Variants in ROR2 observed in about 807,000 individuals in gnomAD.
ROR2 encodes ROR family WNT receptor 2.
A neutral mutation model predicts 74.9 loss-of-function variants in ROR2; 33 were observed. The observed-to-expected ratio is 0.44, with a 90% CI of 0.33 to 0.59. The LOEUF is 0.59. Ranked by LOEUF, ROR2 falls within the 20% of genes least tolerant of loss-of-function variation. ROR2 has a pLI of 0.02. For missense variants in ROR2, 1,216 were observed against 1,313.8 expected, an observed-to-expected ratio of 0.93 and a Z score of 1.15; for synonymous variants, 586 against 558.7, an observed-to-expected ratio of 1.05 and a Z score of -0.69.
chr9:91,822,339 G>A (rs1022754907), intron 1 of ROR2, among the ~76,000 whole-genome samples: 1 of 152,178 alleles, frequency 6.6e-6, no homozygotes, highest in Non-Finnish European at 1.5e-5. Flanking sequence ...CACTCTGGAC[G>A]ATGTGGATGT....
chr9:91,930,184 G>C (rs1375696631), intron 1 of ROR2, among the ~76,000 whole-genome samples: 1 of 152,168 alleles, frequency 6.6e-6, no homozygotes, highest in African/African-American at 2.4e-5. Context: ...CTTTTATACA[G>C]ACCTAGGTCC....
At chr9:91,936,887 G>A (rs1017994214) in intron 1 of ROR2, among the ~76,000 whole-genome samples, 7 of 150,854 alleles carry the variant, frequency 4.6e-5, no homozygotes, top group East Asian at 3.9e-4. Flanking sequence ...AAAATTAGCC[G>A]GGCGTAGTGG....
intron 3 of ROR2, 89 bp downstream of exon 3, chr9:91,757,183 G>T: frequency 6.5e-7 from 1 of 1,535,456 alleles, no homozygotes; most frequent in Non-Finnish European, 9.0e-7. Flanking sequence ...ACTGGTGTGT[G>T]TTCAGTTTCA....
intron 1 of ROR2, among the ~76,000 whole-genome samples, chr9:91,854,479 T>C (rs1564001155): frequency 6.6e-6 from 1 of 152,218 alleles, no homozygotes. Context: ...AGTACTCCAT[T>C]TGCAGAGTTG....
At chr9:91,847,169 A>T (rs2141368) in intron 1 of ROR2, among the ~76,000 whole-genome samples, 2 of 152,156 alleles carry the variant, frequency 1.3e-5, no homozygotes, top group East Asian at 3.9e-4. Context: ...GATTCAACAG[A>T]GAAATGAAAT....
intron 4 of ROR2, among the ~76,000 whole-genome samples, chr9:91,746,969 C>T (rs547461207): frequency 1.6e-4 from 25 of 152,276 alleles, no homozygotes; most frequent in African/African-American, 5.8e-4. Flanking sequence ...GGCTCTGGTG[C>T]TCTGACTTCG....
chr9:91,840,068 C>A (rs1396419112), intron 1 of ROR2, among the ~76,000 whole-genome samples: 2 of 152,164 alleles, frequency 1.3e-5, no homozygotes, highest in Non-Finnish European at 1.5e-5. Context: ...GAGCCTCACC[C>A]TGCCCGGGAA....
At chr9:91,745,082 T>A (rs1322020852) in intron 4 of ROR2, among the ~76,000 whole-genome samples, 1 of 152,086 alleles carries the variant, frequency 6.6e-6, no homozygotes, top group Non-Finnish European at 1.5e-5. Flanking sequence ...AATGCAAATA[T>A]CCTGTGTCAC....
intron 1 of ROR2, among the ~76,000 whole-genome samples, chr9:91,840,130 T>C (rs1281957846): frequency 1.3e-5 from 2 of 152,020 alleles, no homozygotes; most frequent in East Asian, 3.9e-4. Context: ...TAAGGGGCAC[T>C]CCCGAGGCCC....
chr9:91,904,908 T>C (rs1480304780), intron 1 of ROR2, among the ~76,000 whole-genome samples: 1 of 151,976 alleles, frequency 6.6e-6, no homozygotes, highest in African/African-American at 2.4e-5. Flanking sequence ...AGAACACACG[T>C]GTGCGCACAC....
chr9:91,946,376 G>A (rs973545865), intron 1 of ROR2, among the ~76,000 whole-genome samples: 4 of 152,196 alleles, frequency 2.6e-5, no homozygotes, highest in Admixed American at 2.0e-4. Context: ...GAGCCCCCAA[G>A]GAGGCACCTC....
At chr9:91,737,833 G>T (rs928124349) in intron 4 of ROR2, among the ~76,000 whole-genome samples, 1 of 152,144 alleles carries the variant, frequency 6.6e-6, no homozygotes, top group African/African-American at 2.4e-5. Context: ...GCCACAAAAA[G>T]AGAGGAAACT....
At chr9:91,887,792 T>TTG (rs1326784649) in intron 1 of ROR2, among the ~76,000 whole-genome samples, 1 of 138,400 alleles carries the variant, frequency 7.2e-6, no homozygotes, top group Non-Finnish European at 1.5e-5. Flanking sequence ...TTTTCTCTTT[T>TTG]TTTTTTTTTT....
chr9:91,742,216 G>C (rs1469008413), intron 4 of ROR2, among the ~76,000 whole-genome samples: 3 of 152,170 alleles, frequency 2.0e-5, no homozygotes, highest in Non-Finnish European at 4.4e-5. Context: ...GACCTCGTGA[G>C]ACTTACTGTG....
At chr9:91,782,310 G>A (rs1176236428) in intron 1 of ROR2, among the ~76,000 whole-genome samples, 5 of 151,916 alleles carry the variant, frequency 3.3e-5, no homozygotes, top group African/African-American at 1.2e-4. Flanking sequence ...AGTAGCTCTT[G>A]AATATTAGTT....
intron 1 of ROR2, chr9:91,948,568 C>T (rs55730193): frequency 1.0e-6 from 1 of 985,318 alleles, no homozygotes; most frequent in Non-Finnish European, 1.2e-6. Flanking sequence ...CTAAAACCCC[C>T]CCCCAGGAAA....
At chr9:91,930,801 C>T (rs951136067) in intron 1 of ROR2, among the ~76,000 whole-genome samples, 2 of 152,158 alleles carry the variant, frequency 1.3e-5, no homozygotes, top group African/African-American at 4.8e-5. Context: ...TGGATTCAAA[C>T]GTTTAATGGA....
intron 1 of ROR2, among the ~76,000 whole-genome samples, chr9:91,898,262 CTG>C (rs1299751134): frequency 1.3e-5 from 2 of 152,204 alleles, no homozygotes; most frequent in Non-Finnish European, 2.9e-5. Flanking sequence ...GAAAGGTGAC[CTG>C]TGGCCAACTA....
At chr9:91,935,854 T>C (rs1320717218) in intron 1 of ROR2, among the ~76,000 whole-genome samples, 1 of 152,210 alleles carries the variant, frequency 6.6e-6, no homozygotes, top group Non-Finnish European at 1.5e-5. Context: ...AGCCTAGCAA[T>C]GACCCCCAGA....
Sources: allele counts gnomAD v4.1 joint callset (sites outside exome capture counted in the v4.1 genomes callset), GRCh38; gene constraint gnomAD v4.1.1; transcripts MANE v1.5; gene names NCBI Gene and HGNC (gene_info 2026-07-23, HGNC 2026-07-21).